The following FARP1 variants were observed in gnomAD, a reference collection of about 807,000 sequenced individuals.
The protein encoded by FARP1 is FERM, ARH/RhoGEF and pleckstrin domain protein 1.
Under a neutral mutation model 128.8 loss-of-function variants are expected in FARP1, and 52 were observed. That is an observed-to-expected ratio of 0.40 (90% CI 0.32 to 0.51). The LOEUF is 0.51. FARP1 is among the 20% of genes least tolerant of loss of function. The probability of loss-of-function intolerance (pLI) is 0.45; values close to 1 mark genes in which losing one functional copy is unlikely to be tolerated. For synonymous variants in FARP1, 580 were observed against 551.8 expected (o/e 1.05, Z -0.72); for missense variants, 1,333 against 1,367.9 (o/e 0.97, Z 0.40).
intron 8 of FARP1, 166 bp downstream of exon 8, chr13:98,385,980 C>G: frequency 1.6e-6 from 1 of 644,470 alleles, no homozygotes; most frequent in South Asian, 2.0e-5. Flanking sequence ...AGGCCCTCAG[C>G]TCCCAGATTC....
chr13:98,431,525 G>A (rs1326463114), intron 18 of FARP1: 7 of 332,782 alleles, frequency 2.1e-5, no homozygotes, highest in Non-Finnish European at 2.8e-5. Context: ...GCAATGGTGC[G>A]ATCTCGGCTC....
At chr13:98,439,042 G>A in intron 20 of FARP1, 65 bp from the exon 21 acceptor site, 1 of 1,439,908 alleles carries the variant, frequency 6.9e-7, no homozygotes, top group South Asian at 1.2e-5. Context: ...TGAGGACAGG[G>A]AATGCTGGAG....
intron 2 of FARP1, among the ~76,000 whole-genome samples, chr13:98,260,530 C>T (rs1385804545): frequency 6.6e-6 from 1 of 152,208 alleles, no homozygotes; most frequent in Non-Finnish European, 1.5e-5. Context: ...AGGTCTGGAA[C>T]TCAATCCAGC....
In FARP1 at chr13:98,389,938, T is replaced by C. The variant is rs567328768; in HGVS notation, c.856-19T>C. On this transcript the variant is annotated intron_variant, in intron 9 of 26. Transcript: ENST00000319562. ...CTATGGGTAATGGAAAAAACCACCG[T>C]TGTATTTTCCCTTTTTAGAGTGCGT... The C allele has an allele frequency of 1.9e-6, 3 of 1,612,900 alleles. No individual in the cohort carries two copies. The highest frequency in any genetic ancestry group is 2.7e-5 in the African/African-American group (2 of 74,862).
At chr13:98,430,287 C>T (rs184508766) in intron 17 of FARP1, among the ~76,000 whole-genome samples, 54 of 152,284 alleles carry the variant, frequency 3.5e-4, no homozygotes, top group Non-Finnish European at 7.4e-5. Flanking sequence ...GTTACCAGCA[C>T]ATAGAGAGCA....
At chr13:98,429,076 C>A (rs1300783561) in intron 17 of FARP1, among the ~76,000 whole-genome samples, 3 of 152,206 alleles carry the variant, frequency 2.0e-5, no homozygotes, top group Non-Finnish European at 4.4e-5. Context: ...CACAATCCCT[C>A]CCTGTATGTT....
Position 98,288,074 on chromosome 13 carries a change from A to G in FARP1, c.172-55688A>G, listed in dbSNP as rs1885278900. 1.3e-5 allele frequency among the ~76,000 whole-genome samples: 2 copies of G among 152,184 alleles called. 1 individual carries two copies. Among genetic ancestry groups the G allele is most frequent in the African/African-American group, 4.8e-5 (2 of 41,458 alleles). On this transcript the variant is annotated intron_variant, in intron 2 of 26. Transcript: ENST00000319562. The stretch of plus-strand genomic sequence containing the variant: ...GTCGGCCTCCCAAAGTGCTGGGATT[A>G]CAGACGTGAGCCTCCGTACCCGGCC...
intron 2 of FARP1, among the ~76,000 whole-genome samples, chr13:98,277,147 CA>C (rs1211179372): frequency 4.3e-5 from 6 of 140,828 alleles, no homozygotes; most frequent in South Asian, 2.3e-4. Context: ...CACACACACA[CA>C]CCCCATATGT....
At chr13:98,153,567 T>TATTATGTATAAATATG (rs397946075) in intron 1 of FARP1, among the ~76,000 whole-genome samples, 3 of 97,482 alleles carry the variant, frequency 3.1e-5, no homozygotes, top group South Asian at 3.8e-4. Flanking sequence ...TTTATATATA[T>TATTATGTATAAATATG]TATATATATA....
At chr13:98,167,828 GTAA>G (rs1439901276) in intron 1 of FARP1, among the ~76,000 whole-genome samples, 1 of 152,134 alleles carries the variant, frequency 6.6e-6, no homozygotes, top group Admixed American at 6.6e-5. Flanking sequence ...ATAATCAGTA[GTAA>G]TGATGCACAG....
chr13:98,307,846 T>C (rs1433312884), intron 2 of FARP1, among the ~76,000 whole-genome samples: 1 of 152,042 alleles, frequency 6.6e-6, no homozygotes, highest in Admixed American at 6.5e-5. Context: ...AATGTTACTC[T>C]TTTGGAAAAA....
intron 2 of FARP1, among the ~76,000 whole-genome samples, chr13:98,253,518 T>C (rs1324927094): frequency 6.6e-6 from 1 of 152,200 alleles, no homozygotes; most frequent in Non-Finnish European, 1.5e-5. Context: ...TTTTAAACTA[T>C]GGCCTGGGTT....
At chr13:98,396,170 C>T (rs1890537477) in intron 13 of FARP1, 2 of 399,138 alleles carry the variant, frequency 5.0e-6, no homozygotes, top group Non-Finnish European at 8.8e-6. Flanking sequence ...AGCGCAGCTG[C>T]TCCCGAGGGT....
chr13:98,342,622 C>A (rs1259759207), intron 2 of FARP1, among the ~76,000 whole-genome samples: 1 of 151,980 alleles, frequency 6.6e-6, no homozygotes, highest in Non-Finnish European at 1.5e-5. Flanking sequence ...ATCACTTGAA[C>A]CTGGGAGGCG....
chr13:98,337,184 T>G (rs1259862997), intron 2 of FARP1, among the ~76,000 whole-genome samples: 4 of 152,038 alleles, frequency 2.6e-5, no homozygotes, highest in African/African-American at 9.7e-5. Flanking sequence ...CTGGGCAACA[T>G]AGCAAGACCT....
chr13:98,333,129 G>A (rs2139835365), intron 2 of FARP1: 1 of 152,144 alleles, frequency 6.6e-6, no homozygotes, highest in East Asian at 1.9e-4. Context: ...TGCTGGAAGT[G>A]GTGTCCTACT....
At chr13:98,349,632 C>T (rs1888321290) in intron 3 of FARP1, among the ~76,000 whole-genome samples, 1 of 133,904 alleles carries the variant, frequency 7.5e-6, no homozygotes, top group Non-Finnish European at 1.5e-5. Flanking sequence ...GATCGCACCA[C>T]TGCACTCAAG....
At chr13:98,394,457 T>C (rs1469509741) in intron 12 of FARP1, among the ~76,000 whole-genome samples, 1 of 152,204 alleles carries the variant, frequency 6.6e-6, no homozygotes, top group Non-Finnish European at 1.5e-5. Flanking sequence ...CATCCTTCCC[T>C]GGAGACCCCC....
intron 2 of FARP1, chr13:98,245,186 T>G: frequency 1.0e-6 from 1 of 990,244 alleles, no homozygotes; most frequent in Non-Finnish European, 1.2e-6. Flanking sequence ...GTACCTCATT[T>G]ACCATATTAC....
Sources: allele counts gnomAD v4.1 joint callset (sites outside exome capture counted in the v4.1 genomes callset), GRCh38; gene constraint gnomAD v4.1.1; transcripts MANE v1.5; gene names NCBI Gene and HGNC (gene_info 2026-07-23, HGNC 2026-07-21).